DENND2B: variants seen among roughly 807,000 people sequenced by gnomAD.
DENND2B encodes DENN domain containing 2B.
A neutral mutation model predicts 116.0 loss-of-function variants in DENND2B; 32 were observed. That is an observed-to-expected ratio of 0.28 (90% CI 0.21 to 0.37). DENND2B has a LOEUF of 0.37. Ranked by LOEUF, DENND2B falls within the 10% of genes least tolerant of loss-of-function variation. DENND2B has a pLI of 1.00. For synonymous variants in DENND2B, 588 were observed against 583.9 expected (o/e 1.01, Z -0.10); for missense variants, 1,276 against 1,477.7 (o/e 0.86, Z 2.24).
At chr11:8,705,788 T>C (rs570752830) in intron 13 of DENND2B, among the ~76,000 whole-genome samples, 2 of 152,350 alleles carry the variant, frequency 1.3e-5, no homozygotes, top group East Asian at 1.9e-4. Flanking sequence ...CAAAGTGCTA[T>C]TGGTCCTAAT....
At chr11:8,895,829 G>A (rs1234742113) in intron 1 of DENND2B, among the ~76,000 whole-genome samples, 2 of 151,780 alleles carry the variant, frequency 1.3e-5, no homozygotes, top group Non-Finnish European at 2.9e-5. Flanking sequence ...CCGCTATGTT[G>A]ACCAGGCTGG....
At chr11:8,837,353 T>C (rs541376871) in intron 4 of DENND2B, among the ~76,000 whole-genome samples, 1 of 151,900 alleles carries the variant, frequency 6.6e-6, no homozygotes, top group South Asian at 2.1e-4. Context: ...TGTTTCCCTT[T>C]ATTTTTCTTT....
At chr11:8,699,555 T>C (rs2041113354) in intron 14 of DENND2B, among the ~76,000 whole-genome samples, 165 bp from the exon 15 acceptor site, 1 of 152,158 alleles carries the variant, frequency 6.6e-6, no homozygotes, top group South Asian at 2.1e-4. Context: ...TCCCACTGCG[T>C]AGCGCCTCAA....
chr11:8,718,995 T>C (rs2045642170), intron 4 of DENND2B: 2 of 986,874 alleles, frequency 2.0e-6, no homozygotes, highest in African/African-American at 3.5e-5. Flanking sequence ...CCTATTTTCC[T>C]GCTGCAGAGC....
chr11:8,792,110 C>A (rs2059433975), intron 1 of DENND2B, among the ~76,000 whole-genome samples: 1 of 151,840 alleles, frequency 6.6e-6, no homozygotes, highest in Non-Finnish European at 1.5e-5. Context: ...GAGGCTGAGG[C>A]AGGAGAATTG....
intron 2 of DENND2B, among the ~76,000 whole-genome samples, chr11:8,749,623 T>A (rs1471792247): frequency 6.6e-6 from 1 of 152,210 alleles, no homozygotes; most frequent in Non-Finnish European, 1.5e-5. Flanking sequence ...CAGTTCTGAA[T>A]GAACCAAATG....
intron 1 of DENND2B, among the ~76,000 whole-genome samples, chr11:8,887,430 G>C (rs192860728): frequency 6.6e-6 from 1 of 152,246 alleles, no homozygotes; most frequent in African/African-American, 2.4e-5. Flanking sequence ...AAATGGATTT[G>C]AAAATCCCTC....
chr11:8,785,198 C>A (rs1441276602), intron 1 of DENND2B: 1 of 152,188 alleles, frequency 6.6e-6, no homozygotes, highest in Non-Finnish European at 1.5e-5. Context: ...GCTGCCTGCA[C>A]TTTCACAGAC....
chr11:8,899,569 C>G (rs929263662), intron 1 of DENND2B, among the ~76,000 whole-genome samples: 1 of 152,104 alleles, frequency 6.6e-6, no homozygotes, highest in African/African-American at 2.4e-5. Context: ...AAAAAAAAAT[C>G]TGCCAACTAA....
At chr11:8,878,811 C>A (rs2568041) in intron 2 of DENND2B, among the ~76,000 whole-genome samples, 136,821 of 152,194 alleles carry the variant, frequency 0.9, 63,262 homozygotes, top group East Asian at 1. Flanking sequence ...GAAGCCAGAC[C>A]CAGAAAGTCA....
chr11:8,751,223 G>A (rs1242080985), intron 1 of DENND2B, among the ~76,000 whole-genome samples: 1 of 152,058 alleles, frequency 6.6e-6, no homozygotes, highest in Non-Finnish European at 1.5e-5. Context: ...CTAATCTAGT[G>A]GGGAGGTGGA....
At chr11:8,782,772 A>C (rs962543594) in intron 1 of DENND2B, among the ~76,000 whole-genome samples, 2 of 151,652 alleles carry the variant, frequency 1.3e-5, no homozygotes, top group African/African-American at 4.8e-5. Flanking sequence ...CTGTAGTCCC[A>C]GCTACTCGGG....
At chr11:8,792,398 G>C (rs1184881308) in intron 1 of DENND2B, among the ~76,000 whole-genome samples, 1 of 152,134 alleles carries the variant, frequency 6.6e-6, no homozygotes, top group Admixed American at 6.5e-5. Context: ...CAGCCGAGAA[G>C]CGAGATGAGG....
intron 1 of DENND2B, among the ~76,000 whole-genome samples, chr11:8,790,767 G>A (rs979148609): frequency 1.3e-5 from 2 of 152,140 alleles, no homozygotes; most frequent in African/African-American, 4.8e-5. Context: ...AAGAAAGAGA[G>A]CAGTCTCAAA....
Position 8,729,937 on chromosome 11 carries a change from G to A in DENND2B, c.1340+13C>T, listed in dbSNP as rs1169774846. 3 of 1,612,832 alleles carry A rather than the reference G, an allele frequency of 1.9e-6. No homozygotes were observed. The highest frequency in any genetic ancestry group is 1.7e-6 in the Non-Finnish European group (2 of 1,179,364). Reference sequence around the variant, plus strand: ...GGTATTCAGCTACAACACACCGGAGGGGCATGCATTACCTGCTCTGGGACT... The same window carrying A: ...GGTATTCAGCTACAACACACCGGAGAGGCATGCATTACCTGCTCTGGGACT... On this transcript the variant is annotated intron_variant, in intron 3 of 19. Coordinates refer to ENST00000313726, the MANE Select transcript of DENND2B (RefSeq NM_213618.2).
At chr11:8,773,190 G>A (rs967592558) in intron 1 of DENND2B, among the ~76,000 whole-genome samples, 4 of 152,074 alleles carry the variant, frequency 2.6e-5, no homozygotes, top group Admixed American at 1.3e-4. Context: ...CTTAAATGGA[G>A]AATGTGCCTG....
At chr11:8,819,931 A>T (rs550616234) in intron 4 of DENND2B, among the ~76,000 whole-genome samples, 9 of 152,390 alleles carry the variant, frequency 5.9e-5, no homozygotes, top group African/African-American at 2.2e-4. Flanking sequence ...ACACAAGATT[A>T]GGAGAATTTG....
At chr11:8,888,602 G>C (rs541110260) in intron 1 of DENND2B, among the ~76,000 whole-genome samples, 107 of 152,030 alleles carry the variant, frequency 7.0e-4, no homozygotes, top group Middle Eastern at 3.4e-3. Flanking sequence ...AAAATTTGGG[G>C]GCACCAAAGG....
intron 1 of DENND2B, among the ~76,000 whole-genome samples, chr11:8,800,312 A>C (rs1478240240): frequency 6.6e-6 from 1 of 152,170 alleles, no homozygotes; most frequent in Non-Finnish European, 1.5e-5. Context: ...CAAATTGCTA[A>C]TAAACTAAAT....
Sources: gnomAD v4.1 joint callset for allele counts (sites outside exome capture counted in the v4.1 genomes callset) on GRCh38, gnomAD v4.1.1 for gene constraint, MANE v1.5 for transcripts, NCBI Gene and HGNC (gene_info 2026-07-23, HGNC 2026-07-21) for gene names.